The following TNPO3 variants were observed in gnomAD, a reference collection of about 807,000 sequenced individuals.
The protein encoded by TNPO3 is transportin-3.
TNPO3 carries 65 observed loss-of-function variants against 122.8 expected under a neutral mutation model. The observed-to-expected ratio is 0.53, with a 90% CI of 0.43 to 0.65. The LOEUF (loss-of-function observed/expected upper bound fraction) is 0.65, where lower values mean the gene tolerates loss of function less well. TNPO3 is among the 30% of genes least tolerant of loss of function. The probability of loss-of-function intolerance (pLI) is 0.00; values close to 1 mark genes in which losing one functional copy is unlikely to be tolerated. For missense variants in TNPO3, 850 were observed against 1,136.7 expected (o/e 0.75, Z 3.63); for synonymous variants, 372 against 411.2 (o/e 0.90, Z 1.15).
chr7:129,040,662 T>C (rs13234076), intron 1 of TNPO3, among the ~76,000 whole-genome samples: 1 of 152,226 alleles, frequency 6.6e-6, no homozygotes, highest in African/African-American at 2.4e-5. Flanking sequence ...TATGTTATTA[T>C]CTAGTTTGGG....
chr7:128,958,935 T>C (rs545480089), intron 21 of TNPO3, among the ~76,000 whole-genome samples: 12 of 152,140 alleles, frequency 7.9e-5, no homozygotes, highest in African/African-American at 2.7e-4. Context: ...GCTGGGGAGG[T>C]TGAGGTTGCA....
At chr7:128,994,317 C>T (rs1801070093) in intron 8 of TNPO3, among the ~76,000 whole-genome samples, 1 of 152,046 alleles carries the variant, frequency 6.6e-6, no homozygotes. Flanking sequence ...GCCACCACAC[C>T]CGACTAATTT....
chr7:128,973,694 C>T (rs1368038468), intron 18 of TNPO3, among the ~76,000 whole-genome samples: 5 of 125,216 alleles, frequency 4.0e-5, no homozygotes, highest in African/African-American at 3.0e-5. Context: ...CAAGATCACG[C>T]CACTGCACTC....
chr7:129,000,856 C>T (rs1258218458), intron 6 of TNPO3, among the ~76,000 whole-genome samples: 1 of 152,190 alleles, frequency 6.6e-6, no homozygotes, highest in African/African-American at 2.4e-5. Context: ...AAAGCCTTAC[C>T]TTTCTATGGT....
intron 16 of TNPO3, among the ~76,000 whole-genome samples, chr7:128,977,599 CTTTTTTT>C (rs57577501): frequency 7.4e-6 from 1 of 135,756 alleles, no homozygotes; most frequent in Non-Finnish European, 1.6e-5. Flanking sequence ...TTTCTTTTTT[CTTTTTTT>C]TTTTTTTTGA....
In TNPO3 at chr7:129,005,139, T is replaced by C. The variant is rs1802423132; in HGVS notation, c.573A>G (p.Ala191=). 6.2e-7 allele frequency: 1 copy of C among 1,613,926 alleles called. No homozygotes were observed. Among genetic ancestry groups the C allele is most frequent in the East Asian group, 2.2e-5 (1 of 44,830 alleles). Residue 191 remains alanine, a synonymous_variant, in exon 5 of 23, where the codon GCA becomes GCG. Transcript: ENST00000265388. ...VSLLMTCVEK[A]GTDEKMLMKV... ...TCATAAGCATTTTCTCATCTGTTCC[T>C]GCTTTTTCTACACAGGTCATCTGAA...
chr7:129,004,343 C>T (rs142147957), intron 5 of TNPO3, among the ~76,000 whole-genome samples: 1 of 152,196 alleles, frequency 6.6e-6, no homozygotes, highest in East Asian at 1.9e-4. Context: ...TCCAAAGACC[C>T]CTTCAATAAT....
chr7:128,996,860 T>C (rs1801389636), intron 8 of TNPO3, among the ~76,000 whole-genome samples: 1 of 152,132 alleles, frequency 6.6e-6, no homozygotes, highest in Non-Finnish European at 1.5e-5. Context: ...ATCATAACTC[T>C]TCTTATATAA....
At chr7:129,046,104 C>T (rs976152307) in intron 1 of TNPO3, among the ~76,000 whole-genome samples, 4 of 138,674 alleles carry the variant, frequency 2.9e-5, no homozygotes, top group South Asian at 4.5e-4. Flanking sequence ...GAGCCTGAGG[C>T]AGAATTGCTT....
chr7:128,956,726 T>C (rs1175512979), intron 22 of TNPO3, among the ~76,000 whole-genome samples: 1 of 152,186 alleles, frequency 6.6e-6, no homozygotes, highest in East Asian at 1.9e-4. Context: ...GGATATTCAA[T>C]TCATACCTCC....
chr7:128,980,741 CA>C (rs1799546504), intron 14 of TNPO3, among the ~76,000 whole-genome samples: 1 of 152,044 alleles, frequency 6.6e-6, no homozygotes, highest in African/African-American at 2.4e-5. Flanking sequence ...ACAACAAAAC[CA>C]AACCTGAATA....
At chr7:128,983,498 C>T (rs770176728) in intron 13 of TNPO3, among the ~76,000 whole-genome samples, 7 of 152,142 alleles carry the variant, frequency 4.6e-5, no homozygotes, top group South Asian at 2.1e-4. Context: ...CCACGACACC[C>T]GGCTGATCAA....
Position 129,054,672 on chromosome 7 carries a change from C to A in TNPO3, c.99G>T (p.Trp33Cys). 1 of 1,614,066 alleles carries A rather than the reference C, an allele frequency of 6.2e-7. No individual in the cohort carries two copies. Among genetic ancestry groups the A allele is most frequent in the Non-Finnish European group, 8.5e-7 (1 of 1,180,018 alleles). The change falls in exon 1 of 23, where the codon TGG (tryptophan) becomes TGT (cysteine). Residue 33 changes from tryptophan (W) to cysteine (C), a missense_variant. By Grantham distance (215) the Trp-to-Cys change is radical (BLOSUM62 -2). Coordinates refer to ENST00000265388, the MANE Select transcript of TNPO3 (RefSeq NM_012470.4). ...DPSGKERASF[W>C]LGELQRSVHA... Reference sequence around the variant, plus strand: ...TCACCGAACGCTGCAGCTCCCCAAGCCAAAAAGAGGCGCGCTCCTTTCCGC... The same window carrying A: ...TCACCGAACGCTGCAGCTCCCCAAGACAAAAAGAGGCGCGCTCCTTTCCGC...
intron 6 of TNPO3, 146 bp downstream of exon 6, chr7:129,000,913 G>A: frequency 1.0e-6 from 1 of 962,164 alleles, no homozygotes; most frequent in Non-Finnish European, 1.5e-6. Context: ...GTTCAGAAGA[G>A]CATAGTAGAG....
chr7:128,959,913 C>G (rs1474844810), intron 21 of TNPO3, among the ~76,000 whole-genome samples: 1 of 152,068 alleles, frequency 6.6e-6, no homozygotes, highest in Non-Finnish European at 1.5e-5. Context: ...CCCAGCTACT[C>G]GGGAGGCTGA....
At chr7:129,016,589 T>C (rs905777609) in intron 3 of TNPO3, among the ~76,000 whole-genome samples, 1 of 152,160 alleles carries the variant, frequency 6.6e-6, no homozygotes, top group South Asian at 2.1e-4. Context: ...AAAAAGAATA[T>C]TGCCCCTCTG....
At chr7:129,035,109 C>T (rs1806459812) in intron 1 of TNPO3, among the ~76,000 whole-genome samples, 1 of 149,470 alleles carries the variant, frequency 6.7e-6, no homozygotes, top group Non-Finnish European at 1.5e-5. Flanking sequence ...CCTGTCTCTA[C>T]TAAAAATACA....
intron 17 of TNPO3, among the ~76,000 whole-genome samples, chr7:128,975,544 C>T (rs879773279): frequency 6.6e-6 from 1 of 152,092 alleles, no homozygotes; most frequent in Non-Finnish European, 1.5e-5. Flanking sequence ...ATTTTTCTCA[C>T]CTCCTCCCCC....
Position 128,955,021 on chromosome 7 carries a change from G to A in TNPO3, c.*396C>T. 1 of 293,632 alleles carries A rather than the reference G, an allele frequency of 3.4e-6. No homozygotes were observed. Among genetic ancestry groups the A allele is most frequent in the Non-Finnish European group, 6.6e-6 (1 of 150,790 alleles). 18.2% of individuals were successfully genotyped at this position (293,632 alleles called of 1,614,324 possible). A position where few individuals can be genotyped will look rare whatever the true frequency, so the allele number is the denominator to read the frequency against. ...CGCACTGGCGCTTGTGCGTGTATGT[G>A]TGTGTGCGTGCATGTGTCATTTGCT... On this transcript the variant is annotated 3_prime_UTR_variant, in exon 23 of 23. Coordinates refer to ENST00000265388, the MANE Select transcript of TNPO3 (RefSeq NM_012470.4).
Sources: gnomAD v4.1 joint callset for allele counts (sites outside exome capture counted in the v4.1 genomes callset) on GRCh38, gnomAD v4.1.1 for gene constraint, MANE v1.5 for transcripts, NCBI Gene and HGNC (gene_info 2026-07-23, HGNC 2026-07-21) for gene names.